The following LUZP2 variants were observed in gnomAD, a reference collection of about 807,000 sequenced individuals.
LUZP2 encodes leucine zipper protein 2.
LUZP2 carries 52 observed loss-of-function variants against 51.6 expected under a neutral mutation model. The ratio of observed to expected loss-of-function variants is 1.01; its 90% CI spans 0.81 to 1.27. The LOEUF (loss-of-function observed/expected upper bound fraction) is 1.27, where lower values mean the gene tolerates loss of function less well. Ranked by LOEUF, LUZP2 falls within the 50% of genes most tolerant of loss-of-function variation. The pLI is 0.00. For missense variants in LUZP2, 436 were observed against 395.4 expected (o/e 1.10, Z -0.87); for synonymous variants, 154 against 137.3 (o/e 1.12, Z -0.85).
chr11:24,853,922 C>A (rs1296326822), intron 5 of LUZP2, among the ~76,000 whole-genome samples: 1 of 152,168 alleles, frequency 6.6e-6, no homozygotes, highest in African/African-American at 2.4e-5. Flanking sequence ...GCTCCAGAGC[C>A]TTTTTGCCTG....
intron 1 of LUZP2, among the ~76,000 whole-genome samples, chr11:24,614,588 T>C (rs536469230): frequency 6.6e-6 from 1 of 152,122 alleles, no homozygotes; most frequent in South Asian, 2.1e-4. Context: ...GTGTTCTCTC[T>C]ATTATAGCCA....
intron 9 of LUZP2, among the ~76,000 whole-genome samples, chr11:25,028,144 A>T (rs1857549910): frequency 6.6e-6 from 1 of 152,274 alleles, no homozygotes; most frequent in South Asian, 2.1e-4. Flanking sequence ...ACAATGCGTA[A>T]TAGTCACATC....
chr11:24,696,510 C>T (rs1316356031), intron 1 of LUZP2, among the ~76,000 whole-genome samples: 1 of 151,932 alleles, frequency 6.6e-6, no homozygotes, highest in Non-Finnish European at 1.5e-5. Context: ...TCTTTCATTC[C>T]TCTCACATAT....
intron 1 of LUZP2, among the ~76,000 whole-genome samples, chr11:24,507,479 C>T (rs1218761467): frequency 6.6e-6 from 1 of 152,040 alleles, no homozygotes; most frequent in African/African-American, 2.4e-5. Context: ...TTATCCGCCT[C>T]ACATAGCTTT....
chr11:24,953,563 T>G (rs969860257), intron 7 of LUZP2, among the ~76,000 whole-genome samples: 1 of 151,978 alleles, frequency 6.6e-6, no homozygotes, highest in East Asian at 1.9e-4. Flanking sequence ...CTGAAAAAGC[T>G]CCTAAAGGAA....
intron 1 of LUZP2, among the ~76,000 whole-genome samples, chr11:24,631,741 G>A (rs1854897877): frequency 6.6e-6 from 1 of 150,420 alleles, no homozygotes; most frequent in Non-Finnish European, 1.5e-5. Flanking sequence ...CTTGATTTTT[G>A]GGAGCTTTAG....
At chr11:24,909,097 A>G (rs953365871) in intron 6 of LUZP2, among the ~76,000 whole-genome samples, 2 of 151,780 alleles carry the variant, frequency 1.3e-5, no homozygotes, top group African/African-American at 2.4e-5. Context: ...CAAGAGTGCT[A>G]GAAACAAAGA....
chr11:24,910,445 C>G (rs751051198), intron 6 of LUZP2, among the ~76,000 whole-genome samples: 2 of 152,112 alleles, frequency 1.3e-5, no homozygotes, highest in Non-Finnish European at 2.9e-5. Context: ...TGGGCTGGGT[C>G]CAGGGCCTCC....
At chr11:24,525,765 T>A (rs1231504083) in intron 1 of LUZP2, among the ~76,000 whole-genome samples, 1 of 151,398 alleles carries the variant, frequency 6.6e-6, no homozygotes, top group Non-Finnish European at 1.5e-5. Flanking sequence ...GCATAAGATA[T>A]GTATTTAAGA....
chr11:24,846,382 C>T (rs1026828995), intron 5 of LUZP2, among the ~76,000 whole-genome samples: 9 of 151,240 alleles, frequency 6.0e-5, no homozygotes, highest in South Asian at 2.1e-4. Context: ...ATTTTGAAAA[C>T]GAGTAATAGA....
intron 1 of LUZP2, among the ~76,000 whole-genome samples, chr11:24,545,957 T>C (rs2133732540): frequency 6.6e-6 from 1 of 152,226 alleles, no homozygotes; most frequent in Admixed American, 6.6e-5. Flanking sequence ...TCTGATTTCT[T>C]TGAGCAGTGC....
intron 1 of LUZP2, among the ~76,000 whole-genome samples, chr11:24,503,167 C>CAATGTAGTTTGCAATAATG (rs1440671142): frequency 1.3e-5 from 2 of 152,274 alleles, no homozygotes; most frequent in East Asian, 3.9e-4. Flanking sequence ...TGACCATCAA[C>CAATGTAGTTTGCAATAATG]TAGTTTGCAC....
rs189716123 is a variant in LUZP2, at chr11:24,610,806, G to A, written c.62+113501G>A. Reference sequence around the variant, plus strand: ...ACTGAAAACACAAAATGAGCTGGGCGTGGGGGCACGTGCCTGTAGTCCCAG... The same window carrying A: ...ACTGAAAACACAAAATGAGCTGGGCATGGGGGCACGTGCCTGTAGTCCCAG... On this transcript the variant is annotated intron_variant, in intron 1 of 11. Transcript: ENST00000336930. Among the ~76,000 whole-genome samples the A allele has an allele frequency of 6.5e-3, 993 of 152,262 alleles. 9 individuals are homozygous for A. Among genetic ancestry groups the A allele is most frequent in the Non-Finnish European group, 0.011 (780 of 68,016 alleles).
intron 9 of LUZP2, among the ~76,000 whole-genome samples, chr11:25,028,690 G>GT (rs368130152): frequency 0.012 from 1,684 of 144,422 alleles, 21 homozygotes; most frequent in South Asian, 0.029. Flanking sequence ...TAATTTGCAT[G>GT]TTTTTTTTTT....
At chr11:24,616,859 T>A (rs1277434528) in intron 1 of LUZP2, among the ~76,000 whole-genome samples, 1 of 152,184 alleles carries the variant, frequency 6.6e-6, no homozygotes, top group Non-Finnish European at 1.5e-5. Context: ...TTTTGTTAAA[T>A]CTGTATATCA....
At chr11:24,763,938 T>C (rs912198008) in intron 5 of LUZP2, among the ~76,000 whole-genome samples, 1 of 152,208 alleles carries the variant, frequency 6.6e-6, no homozygotes, top group African/African-American at 2.4e-5. Flanking sequence ...TCACGATAAG[T>C]CTTCCTTGAT....
intron 10 of LUZP2, among the ~76,000 whole-genome samples, chr11:25,054,371 A>C (rs1858614534): frequency 6.6e-6 from 1 of 152,108 alleles, no homozygotes; most frequent in Non-Finnish European, 1.5e-5. Flanking sequence ...CATGCTTTTG[A>C]TATATCTAAA....
chr11:24,897,619 G>T (rs113664765), intron 5 of LUZP2, among the ~76,000 whole-genome samples: 5 of 152,122 alleles, frequency 3.3e-5, no homozygotes, highest in African/African-American at 9.7e-5. Flanking sequence ...GACCATGTCC[G>T]AACATCAGAA....
At chr11:24,848,040 G>A (rs954143540) in intron 5 of LUZP2, among the ~76,000 whole-genome samples, 3 of 151,936 alleles carry the variant, frequency 2.0e-5, no homozygotes, top group East Asian at 1.9e-4. Context: ...GTCTGAAGTC[G>A]GTAATTTTAG....
Sources: gnomAD v4.1 joint callset for allele counts (sites outside exome capture counted in the v4.1 genomes callset) on GRCh38, gnomAD v4.1.1 for gene constraint, MANE v1.5 for transcripts, NCBI Gene and HGNC (gene_info 2026-07-23, HGNC 2026-07-21) for gene names.